RBFOX1: variants seen among roughly 807,000 people sequenced by gnomAD.
RBFOX1 encodes the protein RNA binding protein fox-1 homolog 1.
Under a neutral mutation model 57.7 loss-of-function variants are expected in RBFOX1, and 8 were observed. The observed-to-expected ratio is 0.14, with a 90% confidence interval of 0.08 to 0.25. The LOEUF (loss-of-function observed/expected upper bound fraction) is 0.25, where lower values mean the gene tolerates loss of function less well. Ranked by LOEUF, RBFOX1 falls within the 10% of genes least tolerant of loss-of-function variation. The probability of loss-of-function intolerance (pLI) is 1.00; values close to 1 mark genes in which losing one functional copy is unlikely to be tolerated. For synonymous variants in RBFOX1, 326 were observed against 222.4 expected (o/e 1.47, Z -4.15); for missense variants, 611 against 548.5 (o/e 1.11, Z -1.14).
chr16:6,288,434 G>C (rs2077114978), intron 1 of RBFOX1, among the ~76,000 whole-genome samples: 1 of 152,128 alleles, frequency 6.6e-6, no homozygotes, highest in African/African-American at 2.4e-5. Context: ...CCAAGTCATG[G>C]ACCACACTTT....
At chr16:5,522,238 A>G (rs1222067823) in intron 2 of RBFOX1, among the ~76,000 whole-genome samples, 2 of 152,220 alleles carry the variant, frequency 1.3e-5, no homozygotes, top group East Asian at 1.9e-4. Context: ...TTGCATGGCC[A>G]TGGACAAGTC....
At chr16:7,227,753 C>T (rs1398466725) in intron 4 of RBFOX1, among the ~76,000 whole-genome samples, 1 of 152,182 alleles carries the variant, frequency 6.6e-6, no homozygotes, top group Non-Finnish European at 1.5e-5. Context: ...GGCCTAGGCA[C>T]CCTGGAATCT....
At chr16:7,456,312 G>C (rs1232150870) in intron 4 of RBFOX1, among the ~76,000 whole-genome samples, 1 of 152,188 alleles carries the variant, frequency 6.6e-6, no homozygotes, top group Non-Finnish European at 1.5e-5. Context: ...CATTCTTCAA[G>C]CTGTGTGTGG....
chr16:7,315,184 A>G (rs996080259), intron 4 of RBFOX1, among the ~76,000 whole-genome samples: 20 of 152,040 alleles, frequency 1.3e-4, no homozygotes, highest in African/African-American at 4.8e-4. Context: ...CTTTCCCTAT[A>G]GAACTGAGAA....
intron 3 of RBFOX1, among the ~76,000 whole-genome samples, chr16:5,812,629 C>G (rs1324205239): frequency 1.3e-5 from 2 of 151,776 alleles, no homozygotes; most frequent in Non-Finnish European, 2.9e-5. Flanking sequence ...CCAGAAAATT[C>G]TTTTTTATCT....
At chr16:7,709,744 T>C in intron 15 of RBFOX1, 1 of 280,846 alleles carries the variant, frequency 3.6e-6, no homozygotes, top group Non-Finnish European at 4.6e-6. Context: ...GGGTTTTTGT[T>C]TTGGGAGGGG....
chr16:6,382,192 C>A (rs188441214), intron 2 of RBFOX1, among the ~76,000 whole-genome samples: 1 of 152,198 alleles, frequency 6.6e-6, no homozygotes. Context: ...TTTTCCCCAA[C>A]CATTTAAAAT....
intron 3 of RBFOX1, among the ~76,000 whole-genome samples, chr16:5,861,834 G>T (rs1365753357): frequency 6.6e-6 from 1 of 152,178 alleles, no homozygotes; most frequent in Non-Finnish European, 1.5e-5. Context: ...TGGCAGAACA[G>T]ATGAAACCAG....
At chr16:6,986,045 C>A (rs1182724263) in intron 3 of RBFOX1, among the ~76,000 whole-genome samples, 1 of 151,354 alleles carries the variant, frequency 6.6e-6, no homozygotes, top group Non-Finnish European at 1.5e-5. Flanking sequence ...TGCATATCTC[C>A]AATTTTTAAA....
chr16:7,266,763 T>C (rs1425291411), intron 4 of RBFOX1, among the ~76,000 whole-genome samples: 3 of 151,564 alleles, frequency 2.0e-5, no homozygotes, highest in Non-Finnish European at 4.4e-5. Context: ...TGTTAAATGC[T>C]ACAAAGGGAA....
intron 1 of RBFOX1, among the ~76,000 whole-genome samples, chr16:5,262,860 T>C (rs2062768595): frequency 6.6e-6 from 1 of 152,046 alleles, no homozygotes; most frequent in South Asian, 2.1e-4. Flanking sequence ...ACCAGGAGAA[T>C]GTGAAAAGAA....
chr16:6,502,681 T>C (rs991733178), intron 2 of RBFOX1, among the ~76,000 whole-genome samples: 1 of 152,162 alleles, frequency 6.6e-6, no homozygotes, highest in Non-Finnish European at 1.5e-5. Context: ...GTTAACTCTT[T>C]TACCTCTGCT....
chr16:7,569,039 C>T (rs925644621), intron 5 of RBFOX1, among the ~76,000 whole-genome samples: 2 of 152,080 alleles, frequency 1.3e-5, no homozygotes, highest in African/African-American at 4.8e-5. Context: ...GGAAGACTTT[C>T]TTTCTCTACT....
intron 14 of RBFOX1, among the ~76,000 whole-genome samples, chr16:7,681,913 G>C (rs1312054799): frequency 6.6e-6 from 1 of 152,114 alleles, no homozygotes; most frequent in Non-Finnish European, 1.5e-5. Context: ...CTTATTCTTT[G>C]TGATGTGTGG....
chr16:5,401,449 G>A (rs1000891960), intron 1 of RBFOX1, among the ~76,000 whole-genome samples: 1 of 152,140 alleles, frequency 6.6e-6, no homozygotes, highest in Non-Finnish European at 1.5e-5. Context: ...CCATTAATGT[G>A]CTGGAACAAC....
intron 4 of RBFOX1, among the ~76,000 whole-genome samples, chr16:7,261,519 G>A (rs780921558): frequency 2.6e-5 from 4 of 152,228 alleles, no homozygotes; most frequent in South Asian, 2.1e-4. Flanking sequence ...GATCAGCATA[G>A]GAGATAACTA....
At chr16:7,216,846 A>C (rs2092131660) in intron 4 of RBFOX1, among the ~76,000 whole-genome samples, 1 of 152,134 alleles carries the variant, frequency 6.6e-6, no homozygotes, top group South Asian at 2.1e-4. Flanking sequence ...ACTTTTTACC[A>C]AGTTCTAGTC....
intron 3 of RBFOX1, among the ~76,000 whole-genome samples, chr16:6,779,379 T>G (rs2079948700): frequency 6.6e-6 from 1 of 152,032 alleles, no homozygotes; most frequent in South Asian, 2.1e-4. Flanking sequence ...AATATTCCAT[T>G]GTATGTATGT....
intron 3 of RBFOX1, among the ~76,000 whole-genome samples, chr16:5,664,737 C>T (rs17138300): frequency 6.6e-6 from 1 of 152,152 alleles, no homozygotes; most frequent in East Asian, 1.9e-4. Flanking sequence ...TCTTGGTCCA[C>T]ACGGTCCTAA....
Sources: allele counts gnomAD v4.1 joint callset (sites outside exome capture counted in the v4.1 genomes callset), GRCh38; gene constraint gnomAD v4.1.1; transcripts MANE v1.5; gene names NCBI Gene and HGNC (gene_info 2026-07-23, HGNC 2026-07-21).